The following BTAF1 variants were observed in gnomAD, a reference collection of about 807,000 sequenced individuals.
The protein encoded by BTAF1 is B-TFIID TATA-box binding protein associated factor 1.
In BTAF1, 38 loss-of-function variants were observed where a neutral mutation model predicts 227.1. The observed-to-expected ratio is 0.17, with a 90% CI of 0.13 to 0.22. BTAF1 has a LOEUF of 0.22. Ranked by LOEUF, BTAF1 falls within the 10% of genes least tolerant of loss-of-function variation. BTAF1 has a pLI of 1.00. For missense variants in BTAF1, 1,598 were observed against 2,204.0 expected (o/e 0.73, Z 5.51); for synonymous variants, 742 against 751.9 (o/e 0.99, Z 0.21).
intron 34 of BTAF1, 137 bp from the exon 35 acceptor site, chr10:92,024,619 C>T (rs912813738): frequency 8.5e-6 from 6 of 708,230 alleles, no homozygotes; most frequent in Non-Finnish European, 1.1e-5. Context: ...TGACAGATTG[C>T]AGCCCAAAGT....
Position 91,996,430 on chromosome 10 carries a change from ACATGGCTGCTCGTT to A in BTAF1, c.3372_3385del (p.His1124GlnfsTer29). On this transcript the variant is annotated frameshift_variant, in exon 24 of 38. Coordinates refer to ENST00000265990, the MANE Select transcript of BTAF1 (RefSeq NM_003972.3). LOFTEE classifies it high-confidence loss of function. ...CAATACCCCAGTACTGCAGTGAGGC[ACATGGCTGCTCGTT>A]GTGTAGGTGTCATGAGCAAAATAGC... 1.2e-6 allele frequency: 2 copies of A among 1,614,228 alleles called. No individual in the cohort carries two copies. Among genetic ancestry groups the A allele is most frequent in the Non-Finnish European group, 1.7e-6 (2 of 1,180,040 alleles).
At chr10:91,998,520 G>A (rs1382884221) in intron 25 of BTAF1, among the ~76,000 whole-genome samples, 2 of 152,082 alleles carry the variant, frequency 1.3e-5, no homozygotes, top group Non-Finnish European at 2.9e-5. Flanking sequence ...GTATTTCGGA[G>A]TACATTCATG....
intron 30 of BTAF1, among the ~76,000 whole-genome samples, chr10:92,011,980 CAGT>C (rs1357600144): frequency 6.6e-6 from 1 of 151,684 alleles, no homozygotes; most frequent in Non-Finnish European, 1.5e-5. Context: ...GAATCATTCT[CAGT>C]AGAGAAGTAG....
At chr10:92,008,411 A>G in intron 26 of BTAF1, 136 bp downstream of exon 26, 1 of 823,778 alleles carries the variant, frequency 1.2e-6, no homozygotes, top group Admixed American at 3.8e-5. Flanking sequence ...TGGCAGAATC[A>G]TGGTTCACTG....
rs762138565 is a variant in BTAF1 at position 91,953,755 on chromosome 10, T to C, written c.583T>C (p.Leu195=). ...NKQPTLQAAE[L]IDSEFRAGMS... is the part of the protein sequence containing the mutation. ...CTTTTAGACTCTTCAGGCAGCTGAA[T>C]TGATTGACTCAGAGTTTCGAGCAGG... Residue 195 remains leucine, a synonymous_variant, in exon 6 of 38, where the codon TTG becomes CTG. Coordinates refer to ENST00000265990, the MANE Select transcript of BTAF1 (RefSeq NM_003972.3). The C allele has an allele frequency of 3.7e-6, 6 of 1,613,842 alleles. No homozygotes were observed. The highest frequency in any genetic ancestry group is 1.3e-5 in the African/African-American group (1 of 74,924).
intron 13 of BTAF1, among the ~76,000 whole-genome samples, chr10:91,965,163 G>A (rs944748806): frequency 6.6e-6 from 1 of 152,182 alleles, no homozygotes; most frequent in African/African-American, 2.4e-5. Context: ...AAAAATTGAA[G>A]TGGTAGTACA....
chr10:91,997,488 A>T (rs965044472), intron 24 of BTAF1, 115 bp from the exon 25 acceptor site: 3 of 899,730 alleles, frequency 3.3e-6, no homozygotes, highest in Middle Eastern at 3.1e-4. Flanking sequence ...CTTTTCCCTC[A>T]TAATACAGAT....
At chr10:92,014,233 G>A (rs1433204698) in intron 32 of BTAF1, among the ~76,000 whole-genome samples, 2 of 147,358 alleles carry the variant, frequency 1.4e-5, no homozygotes, top group Non-Finnish European at 3.0e-5. Flanking sequence ...TGCTTTTTAA[G>A]TTTTTTTTTT....
intron 6 of BTAF1, among the ~76,000 whole-genome samples, chr10:91,954,210 A>G (rs1269065182): frequency 6.6e-6 from 1 of 152,198 alleles, no homozygotes; most frequent in Admixed American, 6.5e-5. Flanking sequence ...ATGGCCTTCT[A>G]TACTGGGATG....
In BTAF1 at chr10:91,942,444, G is replaced by T; in HGVS notation, c.276G>T (p.Met92Ile). The T allele has an allele frequency of 6.2e-7, 1 of 1,613,786 alleles. No homozygotes were observed. Among genetic ancestry groups the T allele is most frequent in the Non-Finnish European group, 8.5e-7 (1 of 1,179,796 alleles). ...TRQEPTSESS[M>I]EDSPTTERLN... ...TAGAACCTACTTCCGAAAGTTCTAT[G>T]GAAGATTCACCTACTACAGAGCGAT... The change falls in exon 4 of 38, where the codon ATG (methionine) becomes ATT (isoleucine). Residue 92 changes from methionine (M) to isoleucine (I), a missense_variant. Physicochemically the swap from Met to Ile is conservative, Grantham distance 10. Around this residue, in one of 10 missense-constraint regions of BTAF1, gnomAD observed 298 missense variants for 395.2 expected, o/e 0.75. Transcript: ENST00000265990.
rs527813114 is a variant in BTAF1 at position 91,996,399 on chromosome 10, T to C, written c.3340T>C (p.Cys1114Arg). 16 of 1,614,190 alleles carry C rather than the reference T, an allele frequency of 9.9e-6. No individual in the cohort carries two copies. The East Asian group carries it at 3.3e-4, about 34-fold the overall frequency. Residue 1114 changes from cysteine to arginine, a missense_variant, in exon 24 of 38, where the codon TGC becomes CGC. Cys to Arg is a radical substitution (Grantham distance 180). This residue lies in a region of BTAF1 where 425 missense variants were observed against 491.2 expected (regional missense o/e 0.87). Transcript: ENST00000265990. ...CCAGCATTTGCCACATCTTTATATGTGCCTTCAATACCCCAGTACTGCAGT... is the reference window on the plus strand; with the variant it reads ...CCAGCATTTGCCACATCTTTATATGCGCCTTCAATACCCCAGTACTGCAGT... ...LVQHLPHLYM[C>R]LQYPSTAVRH...
intron 4 of BTAF1, among the ~76,000 whole-genome samples, chr10:91,944,384 C>T (rs1845221915): frequency 6.6e-6 from 1 of 152,048 alleles, no homozygotes; most frequent in Non-Finnish European, 1.5e-5. Context: ...TCTGGGTTTC[C>T]TTTGCAGCTG....
At chr10:91,950,480 T>C (rs1253607245) in intron 4 of BTAF1, among the ~76,000 whole-genome samples, 5 of 152,124 alleles carry the variant, frequency 3.3e-5, no homozygotes, top group Non-Finnish European at 7.4e-5. Context: ...TTTTAAAATA[T>C]CAAATTTTTT....
At chr10:91,964,655 T>C (rs1468527751) in intron 13 of BTAF1, among the ~76,000 whole-genome samples, 2 of 152,126 alleles carry the variant, frequency 1.3e-5, no homozygotes, top group African/African-American at 4.8e-5. Flanking sequence ...CAGTAATTAC[T>C]TATCATGAAG....
At chr10:91,929,118 T>A (rs1300612281) in intron 1 of BTAF1, among the ~76,000 whole-genome samples, 1 of 152,176 alleles carries the variant, frequency 6.6e-6, no homozygotes, top group Admixed American at 6.5e-5. Context: ...TGGTTTAGGT[T>A]TATTCATTGG....
intron 19 of BTAF1, among the ~76,000 whole-genome samples, chr10:91,987,509 A>C (rs1848488242): frequency 6.6e-6 from 1 of 151,788 alleles, no homozygotes; most frequent in Non-Finnish European, 1.5e-5. Flanking sequence ...TCTCATGTTT[A>C]ATCTCTTCTC....
chr10:91,991,271 A>ATATATAT lies in BTAF1; in HGVS notation c.2855-848_2855-847insTATATAT, dbSNP rs1564699914. On this transcript the variant is annotated intron_variant, in intron 20 of 37. Transcript: ENST00000265990. Reference sequence around the variant, plus strand: ...AAAAAAATATATAAATATAAATATAAATATATATATATATATATATAAATT... The same window carrying ATATATAT: ...AAAAAAATATATAAATATAAATATAATATATATATATATATATATATATATATAAATT... 6.1e-3 allele frequency among the ~76,000 whole-genome samples: 406 copies of ATATATAT among 66,166 alleles called. 14 individuals are homozygous for ATATATAT. Among genetic ancestry groups the ATATATAT allele is most frequent in the East Asian group, 0.028 (31 of 1,092 alleles). 43.4% of individuals were successfully genotyped at this position (66,166 alleles called of 152,430 possible).
At chr10:91,997,233 T>G in intron 24 of BTAF1, 2 of 986,632 alleles carry the variant, frequency 2.0e-6, no homozygotes, top group Non-Finnish European at 2.8e-6. Flanking sequence ...AATTAATCTT[T>G]GAGTGACACT....
chr10:91,985,228 A>G (rs2792023), intron 19 of BTAF1, among the ~76,000 whole-genome samples: 149,736 of 152,210 alleles, frequency 0.98, 73,698 homozygotes, highest in Middle Eastern at 1. Flanking sequence ...CATGTAAATG[A>G]AATCATACAC....
Sources: allele counts gnomAD v4.1 joint callset (sites outside exome capture counted in the v4.1 genomes callset), GRCh38; gene constraint gnomAD v4.1.1; regional missense constraint gnomAD v4.1.1; transcripts MANE v1.5; gene names NCBI Gene and HGNC (gene_info 2026-07-23, HGNC 2026-07-21).